Variants in FSTL5 observed in about 807,000 individuals in gnomAD.
The protein encoded by FSTL5 is follistatin-related protein 5.
Under a neutral mutation model 89.1 loss-of-function variants are expected in FSTL5, and 62 were observed. That is an observed-to-expected ratio of 0.70 (90% CI 0.57 to 0.86). The LOEUF is 0.86. Among genes scored for constraint, FSTL5 ranks in the 40% least tolerant of loss-of-function variants. The pLI is 0.00. For missense variants in FSTL5, 1,057 were observed against 1,001.6 expected (o/e 1.06, Z -0.75); for synonymous variants, 383 against 346.2 (o/e 1.11, Z -1.18).
At chr4:161,704,983 T>G (rs1006288082) in intron 6 of FSTL5, among the ~76,000 whole-genome samples, 1 of 152,134 alleles carries the variant, frequency 6.6e-6, no homozygotes, top group Non-Finnish European at 1.5e-5. Context: ...CATCTGTTAC[T>G]TAAAAAAGCC....
chr4:162,014,198 T>C (rs1395135775), intron 3 of FSTL5, among the ~76,000 whole-genome samples: 1 of 152,190 alleles, frequency 6.6e-6, no homozygotes, highest in African/African-American at 2.4e-5. Context: ...AATTCATTTG[T>C]ATGGAAAAGA....
At chr4:161,680,228 C>T (rs1266839103) in intron 6 of FSTL5, among the ~76,000 whole-genome samples, 1 of 151,810 alleles carries the variant, frequency 6.6e-6, no homozygotes, top group Non-Finnish European at 1.5e-5. Flanking sequence ...AATTATTTTA[C>T]TTAACAGGAT....
intron 2 of FSTL5, among the ~76,000 whole-genome samples, chr4:162,095,860 T>C (rs144482929): frequency 2.0e-5 from 3 of 152,124 alleles, no homozygotes; most frequent in African/African-American, 7.2e-5. Flanking sequence ...ATACACACGT[T>C]ACATGTGTAA....
chr4:161,909,244 TA>T (rs1366760922), intron 4 of FSTL5, among the ~76,000 whole-genome samples: 1 of 152,166 alleles, frequency 6.6e-6, no homozygotes, highest in Non-Finnish European at 1.5e-5. Context: ...CTGTGGATCC[TA>T]GAGTCTCTAC....
chr4:161,866,100 T>C (rs945119493), intron 4 of FSTL5, among the ~76,000 whole-genome samples: 2 of 152,240 alleles, frequency 1.3e-5, no homozygotes, highest in African/African-American at 4.8e-5. Context: ...GAAGGTATTT[T>C]AGGAGTTGTT....
At chr4:161,745,039 A>G (rs1740149638) in intron 6 of FSTL5, among the ~76,000 whole-genome samples, 1 of 152,048 alleles carries the variant, frequency 6.6e-6, no homozygotes, top group Non-Finnish European at 1.5e-5. Context: ...AAAAAAAGAA[A>G]TACTTTCCTA....
chr4:161,664,262 A>G (rs1187065138), intron 6 of FSTL5, among the ~76,000 whole-genome samples: 2 of 152,342 alleles, frequency 1.3e-5, no homozygotes, highest in East Asian at 3.9e-4. Context: ...TTTCTTTTCT[A>G]TCGCATAGTC....
At chr4:161,562,655 A>T (rs922732951) in intron 8 of FSTL5, among the ~76,000 whole-genome samples, 2 of 151,668 alleles carry the variant, frequency 1.3e-5, no homozygotes, top group East Asian at 3.9e-4. Context: ...GTGTATGCAG[A>T]TCTATTTGAT....
At chr4:161,769,622 T>C (rs934154712) in intron 5 of FSTL5, among the ~76,000 whole-genome samples, 4 of 151,956 alleles carry the variant, frequency 2.6e-5, no homozygotes, top group African/African-American at 9.7e-5. Flanking sequence ...AAAAAGCATT[T>C]GATAATATTC....
intron 2 of FSTL5, among the ~76,000 whole-genome samples, chr4:162,033,949 T>C (rs1737635119): frequency 1.3e-5 from 2 of 151,992 alleles, no homozygotes; most frequent in South Asian, 2.1e-4. Flanking sequence ...CAGGCACATA[T>C]CATTATGCCA....
At chr4:161,719,780 A>T (rs1739127241) in intron 6 of FSTL5, among the ~76,000 whole-genome samples, 1 of 152,108 alleles carries the variant, frequency 6.6e-6, no homozygotes, top group Non-Finnish European at 1.5e-5. Flanking sequence ...AGTGTATTGT[A>T]ATGCAAACAA....
intron 4 of FSTL5, among the ~76,000 whole-genome samples, chr4:161,831,300 A>C (rs968143781): frequency 6.6e-6 from 1 of 151,954 alleles, no homozygotes; most frequent in African/African-American, 2.4e-5. Flanking sequence ...GATATAATAT[A>C]AAATTTTCTT....
intron 13 of FSTL5, among the ~76,000 whole-genome samples, chr4:161,460,758 T>A (rs991777508): frequency 2.0e-5 from 3 of 152,120 alleles, no homozygotes; most frequent in African/African-American, 7.2e-5. Flanking sequence ...TTAGTGTCTT[T>A]ACCCCTTTTT....
chr4:161,628,411 C>T (rs1735386966), intron 7 of FSTL5, among the ~76,000 whole-genome samples: 1 of 152,008 alleles, frequency 6.6e-6, no homozygotes, highest in African/African-American at 2.4e-5. Flanking sequence ...TGTTACACTC[C>T]AACCAGAAAT....
At chr4:161,888,297 T>C (rs543131328) in intron 4 of FSTL5, among the ~76,000 whole-genome samples, 1 of 152,242 alleles carries the variant, frequency 6.6e-6, no homozygotes, top group South Asian at 2.1e-4. Context: ...TTCATTTCCC[T>C]TGCCCATTCA....
At chr4:161,725,329 T>G (rs1739361112) in intron 6 of FSTL5, among the ~76,000 whole-genome samples, 1 of 152,208 alleles carries the variant, frequency 6.6e-6, no homozygotes, top group South Asian at 2.1e-4. Flanking sequence ...TCAGTATTAC[T>G]GATTTTGTAC....
intron 6 of FSTL5, among the ~76,000 whole-genome samples, chr4:161,695,721 T>C (rs767450724): frequency 1.3e-5 from 2 of 152,084 alleles, no homozygotes; most frequent in South Asian, 2.1e-4. Context: ...ATTAGTGATG[T>C]TGAGCATTTT....
At chr4:161,485,127 C>A (rs1009556667) in intron 12 of FSTL5, among the ~76,000 whole-genome samples, 2 of 152,284 alleles carry the variant, frequency 1.3e-5, no homozygotes, top group Admixed American at 1.3e-4. Context: ...TAATGACAGA[C>A]ATATGAACTG....
intron 11 of FSTL5, among the ~76,000 whole-genome samples, chr4:161,501,858 C>T (rs1357835199): frequency 6.6e-6 from 1 of 151,898 alleles, no homozygotes; most frequent in Admixed American, 6.6e-5. Context: ...TATGCCAAAG[C>T]TTTTTGATTT....
Sources: allele counts gnomAD v4.1 joint callset (sites outside exome capture counted in the v4.1 genomes callset), GRCh38; gene constraint gnomAD v4.1.1; transcripts MANE v1.5; gene names NCBI Gene and HGNC (gene_info 2026-07-23, HGNC 2026-07-21).